CHCHD6: variants seen among roughly 807,000 people sequenced by gnomAD.
The protein encoded by CHCHD6 is coiled-coil-helix-coiled-coil-helix domain containing 6.
A neutral mutation model predicts 32.3 loss-of-function variants in CHCHD6; 28 were observed. The observed-to-expected ratio is 0.87, with a 90% confidence interval of 0.64 to 1.19. CHCHD6 has a LOEUF of 1.19. CHCHD6 is among the 50% of genes most tolerant of loss of function. The probability of loss-of-function intolerance (pLI) is 0.00; values close to 1 mark genes in which losing one functional copy is unlikely to be tolerated. For synonymous variants in CHCHD6, 122 were observed against 117.5 expected (o/e 1.04, Z -0.25); for missense variants, 333 against 307.0 (o/e 1.08, Z -0.63).
At chr3:126,819,026 A>G (rs1940036792) in intron 4 of CHCHD6, among the ~76,000 whole-genome samples, 1 of 152,200 alleles carries the variant, frequency 6.6e-6, no homozygotes, top group African/African-American at 2.4e-5. Context: ...TGTATCTTAT[A>G]GGGGCCTCCG....
intron 5 of CHCHD6, among the ~76,000 whole-genome samples, chr3:126,878,423 C>T (rs1271915172): frequency 6.6e-6 from 1 of 152,202 alleles, no homozygotes; most frequent in East Asian, 1.9e-4. Context: ...AGAATGATGG[C>T]AGTATGTGAG....
chr3:126,792,759 T>G (rs35127220), intron 4 of CHCHD6, among the ~76,000 whole-genome samples: 1 of 152,218 alleles, frequency 6.6e-6, no homozygotes, highest in African/African-American at 2.4e-5. Context: ...CAGATTCAAT[T>G]TTTTATGGTT....
intron 6 of CHCHD6, among the ~76,000 whole-genome samples, chr3:126,951,119 G>C (rs1397108611): frequency 6.6e-6 from 1 of 152,194 alleles, no homozygotes; most frequent in Non-Finnish European, 1.5e-5. Context: ...CTGTTCTCAT[G>C]ATGGTGAGTT....
At chr3:126,904,750 T>C (rs2077981041) in intron 5 of CHCHD6, among the ~76,000 whole-genome samples, 2 of 152,176 alleles carry the variant, frequency 1.3e-5, no homozygotes, top group South Asian at 4.1e-4. Flanking sequence ...CTCTGCCTTC[T>C]CACAAATGCC....
At chr3:126,797,997 T>C (rs1938875751) in intron 4 of CHCHD6, among the ~76,000 whole-genome samples, 1 of 152,192 alleles carries the variant, frequency 6.6e-6, no homozygotes, top group African/African-American at 2.4e-5. Context: ...TCCCAGGCCT[T>C]GTGCTGTATG....
intron 4 of CHCHD6, among the ~76,000 whole-genome samples, chr3:126,814,046 A>G (rs966575551): frequency 7.9e-5 from 12 of 152,188 alleles, no homozygotes; most frequent in African/African-American, 2.7e-4. Context: ...TAGAATAATT[A>G]TTACACCCAG....
chr3:126,863,452 C>T (rs1319465688), intron 5 of CHCHD6, among the ~76,000 whole-genome samples: 81 of 108,636 alleles, frequency 7.5e-4, no homozygotes, highest in African/African-American at 2.5e-3. Context: ...CTCCTCCTCC[C>T]CCACTGTCAC....
At chr3:126,910,953 G>A (rs1474266776) in intron 5 of CHCHD6, among the ~76,000 whole-genome samples, 1 of 152,148 alleles carries the variant, frequency 6.6e-6, no homozygotes, top group East Asian at 1.9e-4. Context: ...TAGGGATAGG[G>A]CTGAGTCCAG....
chr3:126,727,186 G>A lies in CHCHD6; in HGVS notation c.196G>A (p.Glu66Lys), dbSNP rs1386578411. 6.3e-7 allele frequency: 1 copy of A among 1,591,580 alleles called. No individual in the cohort carries two copies. The change falls in exon 2 of 8, where the codon GAA becomes AAA. Residue 66 changes from glutamate to lysine, a missense_variant and splice_region_variant. Coordinates refer to ENST00000290913, the MANE Select transcript of CHCHD6 (RefSeq NM_032343.3). ...QDGNLRAPHKESTLPRSGSSG... is the reference protein window; with the variant it reads ...QDGNLRAPHKKSTLPRSGSSG... ...TGGCAACTTGAGAGCCCCTCACAAA[G>A]GTATGGGGATTGTGACAGTTCTGTG...
At chr3:126,727,832 A>G (rs1935607992) in intron 2 of CHCHD6, among the ~76,000 whole-genome samples, 1 of 152,236 alleles carries the variant, frequency 6.6e-6, no homozygotes, top group Non-Finnish European at 1.5e-5. Flanking sequence ...TAGCAAACAC[A>G]AGGAAATAAA....
intron 6 of CHCHD6, among the ~76,000 whole-genome samples, chr3:126,934,493 C>T (rs1274297591): frequency 2.1e-5 from 3 of 144,360 alleles, no homozygotes; most frequent in Non-Finnish European, 4.5e-5. Flanking sequence ...CTCCACGGGA[C>T]GTCAGGGCTG....
At chr3:126,813,255 A>C (rs910434259) in intron 4 of CHCHD6, among the ~76,000 whole-genome samples, 1 of 152,194 alleles carries the variant, frequency 6.6e-6, no homozygotes, top group Non-Finnish European at 1.5e-5. Context: ...GTTAAAAGAG[A>C]TGCTGTCTCT....
intron 1 of CHCHD6, among the ~76,000 whole-genome samples, chr3:126,712,298 C>T (rs993834472): frequency 2.0e-5 from 3 of 152,112 alleles, no homozygotes; most frequent in African/African-American, 4.8e-5. Context: ...TATAGTACAG[C>T]GTAACCAGTA....
intron 1 of CHCHD6, among the ~76,000 whole-genome samples, chr3:126,708,295 AG>A (rs778075861): frequency 1.3e-5 from 2 of 152,220 alleles, no homozygotes; most frequent in Non-Finnish European, 2.9e-5. Flanking sequence ...AAGTAACCCA[AG>A]GTCACAGTGC....
chr3:126,777,170 T>G (rs2107679453), intron 4 of CHCHD6, among the ~76,000 whole-genome samples: 1 of 152,342 alleles, frequency 6.6e-6, no homozygotes, highest in South Asian at 2.1e-4. Flanking sequence ...AATACTTATT[T>G]TACCTGGTTT....
intron 4 of CHCHD6, among the ~76,000 whole-genome samples, chr3:126,750,909 T>G (rs1217382292): frequency 6.6e-6 from 1 of 152,170 alleles, no homozygotes; most frequent in Non-Finnish European, 1.5e-5. Flanking sequence ...GGCCCTGCCT[T>G]TGCTGTCTCC....
At chr3:126,783,566 A>T (rs1190052757) in intron 4 of CHCHD6, among the ~76,000 whole-genome samples, 1 of 152,238 alleles carries the variant, frequency 6.6e-6, no homozygotes, top group Non-Finnish European at 1.5e-5. Flanking sequence ...TTCACCAAAA[A>T]ACTGTTAGAA....
chr3:126,791,124 G>A (rs1042286307), intron 4 of CHCHD6, among the ~76,000 whole-genome samples: 1 of 152,216 alleles, frequency 6.6e-6, no homozygotes, highest in Non-Finnish European at 1.5e-5. Flanking sequence ...AGCAGTGGAG[G>A]CTGCAGAACA....
intron 4 of CHCHD6, among the ~76,000 whole-genome samples, chr3:126,804,842 C>T (rs577402173): frequency 9.9e-5 from 15 of 152,152 alleles, no homozygotes; most frequent in Non-Finnish European, 2.2e-4. Context: ...CATCAAAAAG[C>T]TTATCCACCG....
Sources: allele counts gnomAD v4.1 joint callset (sites outside exome capture counted in the v4.1 genomes callset), GRCh38; gene constraint gnomAD v4.1.1; transcripts MANE v1.5; gene names NCBI Gene and HGNC (gene_info 2026-07-23, HGNC 2026-07-21).